UGGT1: variants seen among roughly 807,000 people sequenced by gnomAD.
UGGT1 encodes the protein UDP-glucose glycoprotein glucosyltransferase 1.
Under a neutral mutation model 203.9 loss-of-function variants are expected in UGGT1, and 107 were observed. The ratio of observed to expected loss-of-function variants is 0.52; its 90% CI spans 0.45 to 0.62. The LOEUF (loss-of-function observed/expected upper bound fraction) is 0.62. UGGT1 is among the 20% of genes least tolerant of loss of function. The pLI, the probability that UGGT1 is intolerant of heterozygous loss-of-function variation, is 0.00. For synonymous variants in UGGT1, 628 were observed against 653.5 expected (o/e 0.96, Z 0.59); for missense variants, 1,673 against 1,867.2 (o/e 0.90, Z 1.92).
At chr2:128,136,812 T>A (rs1436216396) in intron 15 of UGGT1, among the ~76,000 whole-genome samples, 2 of 152,202 alleles carry the variant, frequency 1.3e-5, no homozygotes, top group African/African-American at 4.8e-5. Flanking sequence ...AGCGGTACCA[T>A]TTTGCATTTC....
At chr2:128,149,230 T>G (rs191079221) in intron 18 of UGGT1, among the ~76,000 whole-genome samples, 19 of 151,958 alleles carry the variant, frequency 1.3e-4, no homozygotes, top group Middle Eastern at 3.4e-3. Context: ...TTTGAAGAGT[T>G]GGGATTTTGC....
At position 128,171,175 on chromosome 2, in the gene UGGT1, A is replaced by G. The variant is rs113768336; in HGVS notation, c.3025-30A>G. On this transcript the variant is annotated intron_variant, in intron 27 of 40. Coordinates refer to ENST00000259253, the MANE Select transcript of UGGT1 (RefSeq NM_020120.4). The stretch of plus-strand genomic sequence containing the variant: ...ATAAATTTCTGAAGAAAAAAATCCT[A>G]AATATTTTGTCATCTGGTTTTCCTT... 2.7e-4 allele frequency: 426 copies of G among 1,586,540 alleles called. No homozygotes were observed. In the African/African-American group the frequency reaches 3.6e-3, roughly 13 times the overall value.
intron 2 of UGGT1, 96 bp from the exon 3 acceptor site, chr2:128,103,836 T>G: frequency 1.3e-6 from 1 of 776,110 alleles, no homozygotes; most frequent in Non-Finnish European, 2.0e-6. Context: ...ACTATGGACA[T>G]TTGGAAACTT....
chr2:128,110,267 T>C (rs6747421), intron 5 of UGGT1, among the ~76,000 whole-genome samples: 136,922 of 152,112 alleles, frequency 0.9, 62,411 homozygotes, highest in Non-Finnish European at 0.98. Flanking sequence ...TTTTGCTGAC[T>C]GGCTAGGGCA....
At chr2:128,150,643 ATTAT>A (rs1426198510) in intron 18 of UGGT1, among the ~76,000 whole-genome samples, 2 of 143,794 alleles carry the variant, frequency 1.4e-5, no homozygotes, top group African/African-American at 2.6e-5. Context: ...TACATTTACA[ATTAT>A]TTATTTTTTT....
chr2:128,094,632 C>CT (rs1420374033), intron 1 of UGGT1, among the ~76,000 whole-genome samples: 26 of 151,616 alleles, frequency 1.7e-4, no homozygotes, highest in Admixed American at 2.6e-4. Flanking sequence ...AAAAGGTTCC[C>CT]TTTTTTTACA....
chr2:128,126,534 G>C (rs2105406095), intron 11 of UGGT1, among the ~76,000 whole-genome samples: 1 of 152,126 alleles, frequency 6.6e-6, no homozygotes, highest in Non-Finnish European at 1.5e-5. Flanking sequence ...GAGCCACTGT[G>C]CCCTGCCCAA....
At chr2:128,096,225 G>A (rs1409959324) in intron 1 of UGGT1, among the ~76,000 whole-genome samples, 3 of 152,192 alleles carry the variant, frequency 2.0e-5, no homozygotes, top group Non-Finnish European at 4.4e-5. Flanking sequence ...AGATGGGACA[G>A]TTGGCTTGGG....
intron 15 of UGGT1, among the ~76,000 whole-genome samples, chr2:128,135,737 T>C (rs1197232328): frequency 1.3e-5 from 2 of 152,216 alleles, no homozygotes; most frequent in African/African-American, 2.4e-5. Context: ...TGGTTAGTTA[T>C]AAGTGCGTTA....
chr2:128,120,251 C>T, intron 8 of UGGT1, 105 bp from the exon 9 acceptor site: 5 of 1,003,924 alleles, frequency 5.0e-6, no homozygotes, highest in East Asian at 2.5e-5. Flanking sequence ...AGAAAATTTC[C>T]TAGGGTTGGG....
At chr2:128,115,342 G>T in intron 7 of UGGT1, 122 bp downstream of exon 7, 1 of 828,472 alleles carries the variant, frequency 1.2e-6, no homozygotes, top group Non-Finnish European at 1.9e-6. Context: ...TCCTGGTTCT[G>T]TTACACCTGA....
At chr2:128,132,482 A>T (rs1428637927) in intron 13 of UGGT1, among the ~76,000 whole-genome samples, 1 of 152,230 alleles carries the variant, frequency 6.6e-6, no homozygotes, top group Non-Finnish European at 1.5e-5. Context: ...CAGGAGGCAG[A>T]GGTTTCAGTG....
chr2:128,134,829 A>G, intron 14 of UGGT1, 47 bp from the exon 15 acceptor site: 3 of 1,556,392 alleles, frequency 1.9e-6, no homozygotes, highest in Non-Finnish European at 2.7e-6. Flanking sequence ...GCCCACAGAT[A>G]CTTGAATAAA....
intron 25 of UGGT1, 30 bp downstream of exon 25, chr2:128,161,298 G>C: frequency 6.2e-7 from 1 of 1,606,950 alleles, no homozygotes; most frequent in South Asian, 1.1e-5. Context: ...GAATTACAGG[G>C]GTTATATAAT....
At chr2:128,123,455 T>C (rs575027011) in intron 11 of UGGT1, among the ~76,000 whole-genome samples, 2 of 152,322 alleles carry the variant, frequency 1.3e-5, no homozygotes, top group South Asian at 4.1e-4. Context: ...CCGTGTTGTT[T>C]AGGAAAGCAG....
intron 19 of UGGT1, among the ~76,000 whole-genome samples, chr2:128,155,033 G>C (rs1690160074): frequency 6.6e-6 from 1 of 152,172 alleles, no homozygotes; most frequent in South Asian, 2.1e-4. Flanking sequence ...TCTGTTAAGG[G>C]TTTAAAAGGT....
chr2:128,160,421 G>C (rs372424266), intron 23 of UGGT1, 39 bp from the exon 24 acceptor site: 2 of 1,566,162 alleles, frequency 1.3e-6, no homozygotes, highest in African/African-American at 2.8e-5. Context: ...GGTTTGCTTA[G>C]TAACGACTAT....
intron 15 of UGGT1, 123 bp downstream of exon 15, chr2:128,135,084 T>G: frequency 1.3e-6 from 1 of 786,698 alleles, no homozygotes; most frequent in Admixed American, 2.2e-5. Context: ...CTAATGGCAA[T>G]TTTATCTTCT....
intron 11 of UGGT1, among the ~76,000 whole-genome samples, chr2:128,124,032 G>A (rs565599340): frequency 5.6e-4 from 86 of 152,216 alleles, no homozygotes; most frequent in Admixed American, 3.9e-3. Flanking sequence ...TGCAAGCTCC[G>A]CCTTCCAGGT....
Sources: allele counts gnomAD v4.1 joint callset (sites outside exome capture counted in the v4.1 genomes callset), GRCh38; gene constraint gnomAD v4.1.1; transcripts MANE v1.5; gene names NCBI Gene and HGNC (gene_info 2026-07-23, HGNC 2026-07-21).